Variants in COG5 observed in about 807,000 individuals in gnomAD.
COG5 encodes the protein conserved oligomeric Golgi complex subunit 5.
In COG5, 86 loss-of-function variants were observed where a neutral mutation model predicts 110.4. The observed-to-expected ratio is 0.78, with a 90% CI of 0.65 to 0.93. The LOEUF (loss-of-function observed/expected upper bound fraction) is 0.93. Among genes scored for constraint, COG5 ranks in the 40% least tolerant of loss-of-function variants. COG5 has a pLI of 0.00. For synonymous variants in COG5, 360 were observed against 334.6 expected, an observed-to-expected ratio of 1.08 and a Z score of -0.83; for missense variants, 1,077 against 987.0, an observed-to-expected ratio of 1.09 and a Z score of -1.22.
chr7:107,468,985 A>G (rs1033315771), intron 6 of COG5, among the ~76,000 whole-genome samples: 7 of 150,346 alleles, frequency 4.7e-5, no homozygotes, highest in Non-Finnish European at 8.9e-5. Context: ...AATTTTAAAT[A>G]TTTTAATTTT....
At chr7:107,417,907 C>T (rs1048040083) in intron 6 of COG5, among the ~76,000 whole-genome samples, 2 of 151,986 alleles carry the variant, frequency 1.3e-5, no homozygotes, top group African/African-American at 2.4e-5. Context: ...ATCATATTTG[C>T]TATTTTCCTA....
intron 14 of COG5, among the ~76,000 whole-genome samples, chr7:107,277,817 G>T (rs1197301353): frequency 2.0e-5 from 3 of 152,094 alleles, no homozygotes. Context: ...AGAGATTTAG[G>T]TTTGTATAAC....
In COG5 at chr7:107,468,420, GGT is replaced by G. The variant is rs35406143; in HGVS notation, c.539-55790_539-55789del. The stretch of plus-strand genomic sequence containing the variant: ...AAGCTTAAATGAATGTGTGTGCTGT[GGT>G]GTGTGTGTGTGTGTGTGTGTTTCGG... On this transcript the variant is annotated intron_variant, in intron 6 of 21. Transcript: ENST00000297135. Among the ~76,000 whole-genome samples, 202 of 149,326 alleles carry G rather than the reference GGT, an allele frequency of 1.4e-3. 1 individual carries two copies. The East Asian group carries it at 0.014, about 11-fold the overall frequency.
intron 10 of COG5, among the ~76,000 whole-genome samples, chr7:107,345,949 A>C (rs1811566262): frequency 1.3e-5 from 2 of 152,220 alleles, no homozygotes; most frequent in African/African-American, 4.8e-5. Flanking sequence ...ATCAGAATAT[A>C]CATTATATAC....
At chr7:107,439,601 AT>A (rs1210753148) in intron 6 of COG5, among the ~76,000 whole-genome samples, 1 of 151,974 alleles carries the variant, frequency 6.6e-6, no homozygotes, top group Non-Finnish European at 1.5e-5. Flanking sequence ...TATTAATTAT[AT>A]TTCTTAAATA....
chr7:107,562,507 G>A (rs1421208007), intron 1 of COG5, among the ~76,000 whole-genome samples: 1 of 152,010 alleles, frequency 6.6e-6, no homozygotes, highest in Non-Finnish European at 1.5e-5. Context: ...CTATATTACA[G>A]CACCTACCTT....
intron 21 of COG5, among the ~76,000 whole-genome samples, chr7:107,206,211 T>C (rs768653521): frequency 6.6e-6 from 1 of 152,202 alleles, no homozygotes; most frequent in Non-Finnish European, 1.5e-5. Flanking sequence ...TCCGCCCACC[T>C]GGGCTTCCCA....
chr7:107,287,963 T>C (rs1805783909), intron 12 of COG5, among the ~76,000 whole-genome samples: 1 of 152,244 alleles, frequency 6.6e-6, no homozygotes, highest in Non-Finnish European at 1.5e-5. Context: ...TCAGGAATAA[T>C]GCTGCTACAA....
Position 107,430,657 on chromosome 7 carries a change from G to C in COG5, c.539-18025C>G, listed in dbSNP as rs181547491. ...AATATCTGCAGCAAACACCAATTCG[G>C]ATTCTGATAAGGACTGCACTGAATC... On this transcript the variant is annotated intron_variant, in intron 6 of 21. Coordinates refer to ENST00000297135, the MANE Select transcript of COG5 (RefSeq NM_006348.5). Among the ~76,000 whole-genome samples, 524 of 152,308 alleles carry C rather than the reference G, an allele frequency of 3.4e-3. 2 individuals carry two copies. The highest frequency in any genetic ancestry group is 3.2e-3 in the Non-Finnish European group (220 of 68,022).
intron 19 of COG5, among the ~76,000 whole-genome samples, chr7:107,214,719 C>T (rs1007485187): frequency 1.3e-5 from 2 of 152,014 alleles, no homozygotes; most frequent in African/African-American, 4.8e-5. Flanking sequence ...GCCAGAAGTT[C>T]CAGACCAGCC....
At chr7:107,401,917 A>T (rs1458131125) in intron 7 of COG5, among the ~76,000 whole-genome samples, 1 of 152,186 alleles carries the variant, frequency 6.6e-6, no homozygotes, top group Non-Finnish European at 1.5e-5. Context: ...CTTTAAGAGG[A>T]CCTTCTTTTT....
intron 19 of COG5, among the ~76,000 whole-genome samples, chr7:107,217,876 C>A (rs1799636054): frequency 6.6e-6 from 1 of 151,822 alleles, no homozygotes; most frequent in South Asian, 2.1e-4. Context: ...AGCAATTAGG[C>A]AAGAGAAAGA....
At chr7:107,267,930 T>C (rs1020559898) in intron 14 of COG5, among the ~76,000 whole-genome samples, 1 of 152,200 alleles carries the variant, frequency 6.6e-6, no homozygotes, top group Non-Finnish European at 1.5e-5. Context: ...ATTAAATCTA[T>C]AATCTTACAT....
Position 107,295,877 on chromosome 7 carries a change from C to T in COG5, c.1313+2265G>A, listed in dbSNP as rs190496947. Among the ~76,000 whole-genome samples, 420 of 152,158 alleles carry T rather than the reference C, an allele frequency of 2.8e-3. 4 individuals are homozygous for T. The highest frequency in any genetic ancestry group is 0.027 in the East Asian group (140 of 5,176). On this transcript the variant is annotated intron_variant, in intron 12 of 21. Coordinates refer to ENST00000297135, the MANE Select transcript of COG5 (RefSeq NM_006348.5). Reference sequence around the variant, plus strand: ...CACGATCTCGGCTCATTGCAACATCCGCCTCCCAGGTTCAAGCCATTCTCT... The same window carrying T: ...CACGATCTCGGCTCATTGCAACATCTGCCTCCCAGGTTCAAGCCATTCTCT...
In COG5 at chr7:107,204,864, C is replaced by T. The variant is rs1418350305; in HGVS notation, c.2376-1234G>A. On this transcript the variant is annotated intron_variant, in intron 21 of 21. Coordinates refer to ENST00000297135, the MANE Select transcript of COG5 (RefSeq NM_006348.5). ...TATCTGACTTGCTTCCAGGTAGCCT[C>T]AAACTCATTTGTCAAAAAATTGGGG... Among the ~76,000 whole-genome samples the T allele has an allele frequency of 4.6e-5, 7 of 152,332 alleles. No individual in the cohort carries two copies. In the East Asian group the frequency reaches 1.2e-3, roughly 25 times the overall value.
At chr7:107,205,524 A>G (rs2107318) in intron 21 of COG5, among the ~76,000 whole-genome samples, 23,749 of 152,246 alleles carry the variant, frequency 0.16, 2,312 homozygotes, top group Non-Finnish European at 0.22. Flanking sequence ...TTGTTCATAC[A>G]TTGCTATGAA....
rs972894108 is a variant in COG5, at chr7:107,413,179, A to G, written c.539-547T>C. On this transcript the variant is annotated intron_variant, in intron 6 of 21. Coordinates refer to ENST00000297135, the MANE Select transcript of COG5 (RefSeq NM_006348.5). ...CTACCAGTACCTGGCATCACATCCAACTATTCTCTTTTTTTTTAAGAGACA... is the reference window on the plus strand; with the variant it reads ...CTACCAGTACCTGGCATCACATCCAGCTATTCTCTTTTTTTTTAAGAGACA... Among the ~76,000 whole-genome samples, 3 of 146,502 alleles carry G rather than the reference A, an allele frequency of 2.0e-5. No homozygotes were observed. The East Asian group carries it at 6.3e-4, about 31-fold the overall frequency.
intron 8 of COG5, among the ~76,000 whole-genome samples, chr7:107,363,677 C>T (rs1813334340): frequency 2.0e-5 from 3 of 151,978 alleles, no homozygotes; most frequent in South Asian, 4.2e-4. Context: ...ATGTTATTGG[C>T]CGGGCATGGT....
intron 6 of COG5, among the ~76,000 whole-genome samples, chr7:107,434,077 T>C (rs555978947): frequency 1.4e-4 from 22 of 152,234 alleles, no homozygotes; most frequent in South Asian, 6.2e-4. Flanking sequence ...TCAGTAATCA[T>C]TGGACAAATG....
Sources: gnomAD v4.1 joint callset for allele counts (sites outside exome capture counted in the v4.1 genomes callset) on GRCh38, gnomAD v4.1.1 for gene constraint, MANE v1.5 for transcripts, NCBI Gene and HGNC (gene_info 2026-07-23, HGNC 2026-07-21) for gene names.